The following ZFPM2 variants were observed in gnomAD, a reference collection of about 807,000 sequenced individuals.
ZFPM2 encodes zinc finger protein ZFPM2.
ZFPM2 carries 20 observed loss-of-function variants against 98.6 expected under a neutral mutation model. The observed-to-expected ratio is 0.20, with a 90% CI of 0.14 to 0.29. The LOEUF (loss-of-function observed/expected upper bound fraction) is 0.29, where lower values mean the gene tolerates loss of function less well. Ranked by LOEUF, ZFPM2 falls within the 10% of genes least tolerant of loss-of-function variation. ZFPM2 has a pLI of 1.00. For synonymous variants in ZFPM2, 518 were observed against 502.7 expected, an observed-to-expected ratio of 1.03 and a Z score of -0.41; for missense variants, 1,310 against 1,388.6, an observed-to-expected ratio of 0.94 and a Z score of 0.90.
chr8:105,465,832 A>G (rs927792620), intron 3 of ZFPM2, among the ~76,000 whole-genome samples: 1 of 152,010 alleles, frequency 6.6e-6, no homozygotes, highest in Non-Finnish European at 1.5e-5. Flanking sequence ...GAGACGAACT[A>G]TTGATCCAAA....
At chr8:105,795,108 G>C (rs1457797191) in intron 6 of ZFPM2, among the ~76,000 whole-genome samples, 1 of 152,166 alleles carries the variant, frequency 6.6e-6, no homozygotes, top group Middle Eastern at 3.2e-3. Context: ...CCCACTGTCT[G>C]GCACTCCCTA....
At chr8:105,700,870 C>T (rs540449484) in intron 5 of ZFPM2, among the ~76,000 whole-genome samples, 15 of 152,190 alleles carry the variant, frequency 9.9e-5, no homozygotes, top group Non-Finnish European at 7.3e-5. Flanking sequence ...GGATTACAGG[C>T]GTGAGCCACT....
chr8:105,656,415 G>A (rs929374885), intron 5 of ZFPM2, among the ~76,000 whole-genome samples: 4 of 152,056 alleles, frequency 2.6e-5, no homozygotes, highest in African/African-American at 9.7e-5. Context: ...AGTTTAAATG[G>A]ATATTTTTAT....
At chr8:105,504,069 G>A (rs1448368880) in intron 3 of ZFPM2, among the ~76,000 whole-genome samples, 1 of 152,098 alleles carries the variant, frequency 6.6e-6, no homozygotes. Context: ...AAGGAACAGG[G>A]CTTTCTTAGA....
In ZFPM2 at chr8:105,802,402, C is replaced by G. The variant is rs1814055651; in HGVS notation, c.2320C>G (p.Gln774Glu). 6.2e-7 allele frequency: 1 copy of G among 1,613,758 alleles called. No homozygotes were observed. The highest frequency in any genetic ancestry group is 8.5e-7 in the Non-Finnish European group (1 of 1,179,854). Residue 774 changes from glutamine to glutamate, a missense_variant, in exon 8 of 8, where the codon CAA becomes GAA. Transcript: ENST00000407775. ...CCTCAATAATCCTTGTACCTCCACT[C>G]AAGAACCCACAGAAGGGCTAGGAGA... The part of the protein sequence containing the change: ...ANLNNPCTST[Q>E]EPTEGLGECY...
At chr8:105,330,618 A>ATATATACG (rs1812210980) in intron 1 of ZFPM2, among the ~76,000 whole-genome samples, 6 of 60,602 alleles carry the variant, frequency 9.9e-5, no homozygotes, top group African/African-American at 5.7e-4. Flanking sequence ...ATACACATAT[A>ATATATACG]TATATATATA....
chr8:105,489,705 C>A lies in ZFPM2; in HGVS notation c.301+45324C>A, dbSNP rs545225889. Among the ~76,000 whole-genome samples, 14 of 151,584 alleles carry A rather than the reference C, an allele frequency of 9.2e-5. No homozygotes were observed. The South Asian group carries it at 2.1e-3, about 23-fold the overall frequency. ...TCTCGAACTCCTGATCTCAGGTGAA[C>A]CACCTGCCTTGGCTTCCCAAAGTGC... On this transcript the variant is annotated intron_variant, in intron 3 of 7. Transcript: ENST00000407775.
chr8:105,799,464 AAC>A (rs1428171924), intron 7 of ZFPM2, among the ~76,000 whole-genome samples: 1 of 152,202 alleles, frequency 6.6e-6, no homozygotes, highest in East Asian at 1.9e-4. Flanking sequence ...GATGCATCAT[AAC>A]AGCTTAGGTG....
chr8:105,415,468 C>T (rs936971972), intron 1 of ZFPM2, among the ~76,000 whole-genome samples: 3 of 152,008 alleles, frequency 2.0e-5, no homozygotes, highest in Admixed American at 6.6e-5. Flanking sequence ...CATGAGGGCA[C>T]ATGGAGCTCG....
At chr8:105,448,869 A>G (rs1049975399) in intron 3 of ZFPM2, among the ~76,000 whole-genome samples, 2 of 152,044 alleles carry the variant, frequency 1.3e-5, no homozygotes, top group African/African-American at 2.4e-5. Context: ...TTTGTTAAAC[A>G]CTTTTCACTC....
chr8:105,514,425 T>C (rs1323012727), intron 3 of ZFPM2, among the ~76,000 whole-genome samples: 2 of 151,564 alleles, frequency 1.3e-5, no homozygotes, highest in African/African-American at 2.4e-5. Context: ...AATGTATACA[T>C]GTAACCTTGA....
intron 4 of ZFPM2, among the ~76,000 whole-genome samples, chr8:105,587,908 C>T (rs1178543329): frequency 4.6e-5 from 7 of 152,008 alleles, no homozygotes; most frequent in East Asian, 1.9e-4. Context: ...TCCAGGTGTC[C>T]CTTGGGGAGC....
chr8:105,329,638 T>G, intron 1 of ZFPM2, among the ~76,000 whole-genome samples: 1 of 151,722 alleles, frequency 6.6e-6, no homozygotes, highest in East Asian at 1.9e-4. Flanking sequence ...GAAATATAGG[T>G]TTTCTGGGAT....
Position 105,560,796 on chromosome 8 carries a change from C to T in ZFPM2, c.302-567C>T, listed in dbSNP as rs140502659. On this transcript the variant is annotated intron_variant, in intron 3 of 7. Coordinates refer to ENST00000407775, the MANE Select transcript of ZFPM2 (RefSeq NM_012082.4). ...TTATTTCTAAAGTATTTTTTTGGTA[C>T]AATAGAGTTCTATTCAGTATACCAA... Among the ~76,000 whole-genome samples, 202 of 152,020 alleles carry T rather than the reference C, an allele frequency of 1.3e-3. 2 individuals are homozygous for T. Among genetic ancestry groups the T allele is most frequent in the African/African-American group, 4.7e-3 (197 of 41,506 alleles).
At chr8:105,681,269 T>A (rs1281416248) in intron 5 of ZFPM2, among the ~76,000 whole-genome samples, 1 of 152,128 alleles carries the variant, frequency 6.6e-6, no homozygotes, top group Non-Finnish European at 1.5e-5. Context: ...CCTCTTGCCA[T>A]CAGTTCCCAG....
At chr8:105,520,273 T>C (rs1458399772) in intron 3 of ZFPM2, among the ~76,000 whole-genome samples, 2 of 152,142 alleles carry the variant, frequency 1.3e-5, no homozygotes, top group African/African-American at 2.4e-5. Context: ...TAAAAGACTT[T>C]TAAGTTGATG....
chr8:105,397,744 G>T (rs1811250747), intron 1 of ZFPM2, among the ~76,000 whole-genome samples: 1 of 151,986 alleles, frequency 6.6e-6, no homozygotes, highest in Admixed American at 6.6e-5. Context: ...GACTTATACT[G>T]GTGATATGCG....
At chr8:105,628,682 G>A (rs903833522) in intron 4 of ZFPM2, among the ~76,000 whole-genome samples, 1 of 152,130 alleles carries the variant, frequency 6.6e-6, no homozygotes, top group Non-Finnish European at 1.5e-5. Context: ...GCCAGAGACG[G>A]TCGGACTTCA....
At position 105,387,637 on chromosome 8, in the gene ZFPM2, G is replaced by GCTGTGCGCAGCCGCGGTTC. The variant is rs548007246; in HGVS notation, c.41-31503_41-31485dup. ...CCGGAACTGGCACTGACCCGCAAGCGCTGTGCGCAGCCGCGGTTCCTGCCC... is the reference window on the plus strand; with the variant it reads ...CCGGAACTGGCACTGACCCGCAAGCGCTGTGCGCAGCCGCGGTTCCTGTGCGCAGCCGCGGTTCCTGCCC... On this transcript the variant is annotated intron_variant, in intron 1 of 7. Transcript: ENST00000407775. 541 of 153,226 alleles carry GCTGTGCGCAGCCGCGGTTC rather than the reference G, an allele frequency of 3.5e-3. 2 individuals are homozygous for GCTGTGCGCAGCCGCGGTTC. Among genetic ancestry groups the GCTGTGCGCAGCCGCGGTTC allele is most frequent in the Middle Eastern group, 0.013 (4 of 300 alleles). The allele number at this position is 153,226 out of a possible 1,614,324, so 9.5% of individuals were successfully genotyped here. A position where few individuals can be genotyped will look rare whatever the true frequency, so the allele number is the denominator to read the frequency against.
Sources: gnomAD v4.1 joint callset for allele counts (sites outside exome capture counted in the v4.1 genomes callset) on GRCh38, gnomAD v4.1.1 for gene constraint, MANE v1.5 for transcripts, NCBI Gene and HGNC (gene_info 2026-07-23, HGNC 2026-07-21) for gene names.